Variants in KIF24 observed in about 807,000 individuals in gnomAD.
The protein encoded by KIF24 is kinesin-like protein KIF24.
KIF24 carries 81 observed loss-of-function variants against 118.9 expected under a neutral mutation model. That is an observed-to-expected ratio of 0.68 (90% CI 0.57 to 0.82). The LOEUF (loss-of-function observed/expected upper bound fraction) is 0.82. KIF24 is among the 40% of genes least tolerant of loss of function. KIF24 has a pLI of 0.00. For missense variants in KIF24, 1,560 were observed against 1,661.6 expected (o/e 0.94, Z 1.06); for synonymous variants, 599 against 610.0 (o/e 0.98, Z 0.27).
At chr9:34,307,654 T>A (rs1836976216) in intron 2 of KIF24, among the ~76,000 whole-genome samples, 1 of 152,024 alleles carries the variant, frequency 6.6e-6, no homozygotes, top group African/African-American at 2.4e-5. Flanking sequence ...GGCTCACGCC[T>A]GTAATCCTAG....
chr9:34,319,679 G>A, intron 1 of KIF24: 2 of 766,764 alleles, frequency 2.6e-6, no homozygotes, highest in Non-Finnish European at 4.6e-6. Context: ...ACACAGGATG[G>A]CAGGAGGCAG....
At chr9:34,301,133 T>G (rs922736273) in intron 3 of KIF24, among the ~76,000 whole-genome samples, 9 of 152,350 alleles carry the variant, frequency 5.9e-5, no homozygotes, top group Non-Finnish European at 1.3e-4. Flanking sequence ...AGTTAATGTA[T>G]ATACACAATT....
Position 34,295,562 on chromosome 9 carries a change from C to A in KIF24, c.911+1455G>T, listed in dbSNP as rs1282634244. 7.9e-5 allele frequency among the ~76,000 whole-genome samples: 12 copies of A among 152,250 alleles called. No individual in the cohort carries two copies. The South Asian group carries it at 2.1e-3, about 26-fold the overall frequency. On this transcript the variant is annotated intron_variant, in intron 4 of 12. Coordinates refer to ENST00000402558, the MANE Select transcript of KIF24 (RefSeq NM_194313.4). ...GCGTGGTGGCAGGCACCTGCAGTCC[C>A]AGCTACTCAGGAGGCTGAGATGGGA... is the stretch of plus-strand genomic sequence containing the variant.
Position 34,257,986 on chromosome 9 carries a change from A to T in KIF24, c.1626-5T>A, listed in dbSNP as rs763614513. 1 of 1,563,742 alleles carries T rather than the reference A, an allele frequency of 6.4e-7. No homozygotes were observed. Among genetic ancestry groups the T allele is most frequent in the Admixed American group, 2.0e-5 (1 of 50,554 alleles). ...CCTTTCTTTAGTTCTTTGACCCTGT[A>T]AATAATCATTTTATGTTAAATGTGT... On this transcript the variant is annotated splice_polypyrimidine_tract_variant and splice_region_variant and intron_variant, in intron 10 of 12. Transcript: ENST00000402558.
chr9:34,307,219 C>T (rs942937698), intron 2 of KIF24, among the ~76,000 whole-genome samples: 1 of 152,030 alleles, frequency 6.6e-6, no homozygotes, highest in Non-Finnish European at 1.5e-5. Flanking sequence ...CATACAACAC[C>T]GCAGCTGGCT....
At chr9:34,283,968 C>A (rs143373821) in intron 6 of KIF24, among the ~76,000 whole-genome samples, 10 of 152,242 alleles carry the variant, frequency 6.6e-5, no homozygotes, top group Admixed American at 2.0e-4. Context: ...GGGAAACAGT[C>A]GGCAGCATTT....
rs1211361477 is a variant in KIF24, at chr9:34,252,417, C to A, written c.*1963G>T. ...GTTTGTTTTGTATTATGTTGTACAT[C>A]ATTAAAGATCTAAATACAAAGGATA... On this transcript the variant is annotated 3_prime_UTR_variant, in exon 13 of 13. Transcript: ENST00000402558. 6.6e-6 allele frequency: 1 copy of A among 152,610 alleles called. No homozygotes were observed. The highest frequency in any genetic ancestry group is 1.5e-5 in the Non-Finnish European group (1 of 68,046). The allele number at this position is 152,610 out of a possible 1,614,324, so 9.5% of individuals were successfully genotyped here.
upstream of KIF24, among the ~76,000 whole-genome samples, chr9:34,329,860 T>C (rs1430250343): frequency 6.7e-6 from 1 of 148,172 alleles, no homozygotes; most frequent in Non-Finnish European, 1.5e-5. Context: ...ATAGGGTGGG[T>C]CGTCCAAATC....
At position 34,318,997 on chromosome 9, in the gene KIF24, C is replaced by T; in HGVS notation, c.-25-7626G>A. 1.6e-6 allele frequency: 2 copies of T among 1,242,092 alleles called. No individual in the cohort carries two copies. The highest frequency in any genetic ancestry group is 2.4e-6 in the Non-Finnish European group (2 of 844,768). The allele number at this position is 1,242,092 out of a possible 1,614,324, so 76.9% of individuals were successfully genotyped here. ...AGGACATGGAGTGCATGGATGGCGC[C>T]CTGCTTGTCAACACCATGTTCTTCA... On this transcript the variant is annotated intron_variant, in intron 1 of 12. Transcript: ENST00000402558. This position sits in a 1 kb window ranked among gnomAD's most constrained non-coding sequence, Gnocchi z 4.9.
chr9:34,330,083 T>G (rs1043987173), upstream of KIF24, among the ~76,000 whole-genome samples: 3 of 152,306 alleles, frequency 2.0e-5, no homozygotes, highest in Non-Finnish European at 4.4e-5. Context: ...CCCACCGCCT[T>G]AAACAAACAA....
intron 1 of KIF24, among the ~76,000 whole-genome samples, chr9:34,324,899 C>T (rs980690805): frequency 6.6e-6 from 1 of 152,182 alleles, no homozygotes; most frequent in Non-Finnish European, 1.5e-5. Flanking sequence ...TGGTCTCCCC[C>T]AATGTGATCA....
chr9:34,284,095 C>G (rs563754431), intron 6 of KIF24, among the ~76,000 whole-genome samples: 79 of 151,866 alleles, frequency 5.2e-4, no homozygotes, highest in African/African-American at 1.9e-3. Flanking sequence ...TGGTAGGACC[C>G]TGTCTCTACA....
chr9:34,269,879 A>G (rs543311752), intron 7 of KIF24, among the ~76,000 whole-genome samples: 25 of 152,070 alleles, frequency 1.6e-4, no homozygotes, highest in Non-Finnish European at 3.4e-4. Flanking sequence ...GCTTGAGGCC[A>G]GGAGTTCTAG....
Position 34,259,693 on chromosome 9 carries a change from A to T in KIF24, c.1528T>A (p.Ser510Thr), listed in dbSNP as rs373015173. Residue 510 changes from serine (S) to threonine (T), a missense_variant, in exon 10 of 13, where the codon TCT (serine) becomes ACT (threonine). Around this residue, in one of 3 missense-constraint regions of KIF24, gnomAD observed 964 missense variants for 988.0 expected, o/e 0.98. Coordinates refer to ENST00000402558, the MANE Select transcript of KIF24 (RefSeq NM_194313.4). ...QSKLTQVLKD[S>T]FIGNAKTCMI... ...CAGGTTTTGGCATTGCCGATGAAAG[A>T]GTCCTTCAGGACCTGTCCAAAACAG... 99 of 1,613,378 alleles carry T rather than the reference A, an allele frequency of 6.1e-5. No homozygotes were observed. The highest frequency in any genetic ancestry group is 8.0e-5 in the Non-Finnish European group (94 of 1,179,428).
upstream of KIF24, among the ~76,000 whole-genome samples, chr9:34,329,849 G>T (rs1321861955): frequency 2.1e-5 from 3 of 141,328 alleles, no homozygotes; most frequent in Non-Finnish European, 4.5e-5. Flanking sequence ...TCGGAGTGGG[G>T]ATAGGGTGGG....
At chr9:34,311,654 G>C (rs145580747) in intron 1 of KIF24, among the ~76,000 whole-genome samples, 1 of 131,900 alleles carries the variant, frequency 7.6e-6, no homozygotes, top group Non-Finnish European at 1.6e-5. Flanking sequence ...ATATATACGT[G>C]TATATACATA....
At chr9:34,283,579 C>T (rs1835932873) in intron 6 of KIF24, among the ~76,000 whole-genome samples, 1 of 152,128 alleles carries the variant, frequency 6.6e-6, no homozygotes, top group African/African-American at 2.4e-5. Flanking sequence ...TTGAGGACGA[C>T]ACAAGCAAGC....
chr9:34,259,532 C>T (rs527491318), intron 10 of KIF24, 64 bp downstream of exon 10: 29 of 1,200,504 alleles, frequency 2.4e-5, no homozygotes, highest in East Asian at 1.4e-4. Flanking sequence ...TGCTCACACA[C>T]GCGTGCTGCA....
intron 1 of KIF24, among the ~76,000 whole-genome samples, chr9:34,313,493 A>G (rs921643030): frequency 6.6e-6 from 1 of 151,180 alleles, no homozygotes; most frequent in Non-Finnish European, 1.5e-5. Context: ...TATTATTATT[A>G]TTATTATTAT....
Sources: allele counts gnomAD v4.1 joint callset (sites outside exome capture counted in the v4.1 genomes callset), GRCh38; gene constraint gnomAD v4.1.1; regional missense constraint gnomAD v4.1.1; non-coding constraint Gnocchi (gnomAD v3.1); transcripts MANE v1.5; gene names NCBI Gene and HGNC (gene_info 2026-07-23, HGNC 2026-07-21).